The following ESRRB variants were observed in gnomAD, a reference collection of about 807,000 sequenced individuals.
ESRRB encodes steroid hormone receptor ERR2.
A neutral mutation model predicts 46.0 loss-of-function variants in ESRRB; 16 were observed. The ratio of observed to expected loss-of-function variants is 0.35; its 90% CI spans 0.24 to 0.53. The LOEUF (loss-of-function observed/expected upper bound fraction) is 0.53, where lower values mean the gene tolerates loss of function less well. ESRRB is among the 20% of genes least tolerant of loss of function. The pLI, the probability that ESRRB is intolerant of heterozygous loss-of-function variation, is 0.93. For missense variants in ESRRB, 488 were observed against 607.4 expected (o/e 0.80, Z 2.07); for synonymous variants, 246 against 259.6 (o/e 0.95, Z 0.50).
intron 1 of ESRRB, among the ~76,000 whole-genome samples, chr14:76,405,418 C>T (rs1252358555): frequency 6.6e-6 from 1 of 152,122 alleles, no homozygotes; most frequent in Non-Finnish European, 1.5e-5. Context: ...ATCTGGTTCC[C>T]AGAACTGAAG....
At chr14:76,351,307 A>C (rs546899765) in intron 1 of ESRRB, among the ~76,000 whole-genome samples, 1 of 152,350 alleles carries the variant, frequency 6.6e-6, no homozygotes, top group South Asian at 2.1e-4. Flanking sequence ...GTCCAAGATC[A>C]AGGTATGGGC....
upstream of ESRRB, among the ~76,000 whole-genome samples, chr14:76,369,068 G>A (rs538985809): frequency 3.6e-4 from 55 of 151,456 alleles, no homozygotes; most frequent in African/African-American, 1.3e-3. Context: ...GCGGTGGTGC[G>A]TCCCTGTAAT....
At chr14:76,439,311 T>C in intron 1 of ESRRB, 30 bp from the exon 2 acceptor site, 1 of 1,612,414 alleles carries the variant, frequency 6.2e-7, no homozygotes, top group Non-Finnish European at 8.5e-7. Flanking sequence ...AGCACCTTGC[T>C]GGGGCTGACT....
intron 1 of ESRRB, among the ~76,000 whole-genome samples, chr14:76,331,501 T>G (rs1246894692): frequency 6.6e-6 from 1 of 151,926 alleles, no homozygotes; most frequent in Non-Finnish European, 1.5e-5. Context: ...AGGGAGGAAG[T>G]GTGTGTGGTT....
At chr14:76,362,223 C>T (rs1884472911) in intron 1 of ESRRB, among the ~76,000 whole-genome samples, 1 of 152,214 alleles carries the variant, frequency 6.6e-6, no homozygotes, top group African/African-American at 2.4e-5. Context: ...CACTACCCTG[C>T]AGCAAGCCAT....
chr14:76,397,151 G>A (rs1421757587), intron 1 of ESRRB, among the ~76,000 whole-genome samples: 2 of 152,220 alleles, frequency 1.3e-5, no homozygotes, highest in Non-Finnish European at 2.9e-5. Context: ...AAGAGAGTGC[G>A]CCTGGTGACA....
chr14:76,324,196 C>G (rs1269387619), intron 1 of ESRRB, among the ~76,000 whole-genome samples: 1 of 152,196 alleles, frequency 6.6e-6, no homozygotes, highest in Non-Finnish European at 1.5e-5. Context: ...AAGGTCTAGC[C>G]TCAGCCTATC....
In ESRRB at chr14:76,499,450, C is replaced by T; in HGVS notation, c.*992C>T. ...GGCCCAGACTCATCTTTGCCAAGCA[C>T]AGAAAGGCCGAGCAGCTGAGATAAG... On this transcript the variant is annotated 3_prime_UTR_variant, in exon 7 of 7. Coordinates refer to ENST00000644823, the MANE Select transcript of ESRRB (RefSeq NM_001379180.1). 2.9e-6 allele frequency: 1 copy of T among 340,128 alleles called. No individual in the cohort carries two copies. Among genetic ancestry groups the T allele is most frequent in the South Asian group, 2.6e-5 (1 of 38,692 alleles). The allele number at this position is 340,128 out of a possible 1,614,324, so 21.1% of individuals were successfully genotyped here. A position where few individuals can be genotyped will look rare whatever the true frequency, so the allele number is the denominator to read the frequency against.
intron 3 of ESRRB, among the ~76,000 whole-genome samples, chr14:76,464,114 G>C (rs1392160855): frequency 6.6e-6 from 1 of 152,196 alleles, no homozygotes; most frequent in African/African-American, 2.4e-5. Flanking sequence ...AATTCTTAGA[G>C]ATCAACTTTT....
At chr14:76,423,493 G>T (rs1887062918) in intron 1 of ESRRB, among the ~76,000 whole-genome samples, 1 of 152,148 alleles carries the variant, frequency 6.6e-6, no homozygotes, top group South Asian at 2.1e-4. Context: ...GAAACTGATG[G>T]CAAGGTGGAT....
intron 5 of ESRRB, among the ~76,000 whole-genome samples, chr14:76,490,070 T>C (rs1442587970): frequency 6.6e-6 from 1 of 152,204 alleles, no homozygotes; most frequent in Non-Finnish European, 1.5e-5. Context: ...GGGGTCTAAG[T>C]CAGCAAATGA....
chr14:76,375,974 G>T (rs1884746604), upstream of ESRRB, among the ~76,000 whole-genome samples: 1 of 146,410 alleles, frequency 6.8e-6, no homozygotes, highest in Non-Finnish European at 1.5e-5. Flanking sequence ...TGGGGACCTC[G>T]CGCGCTGAGC....
intron 1 of ESRRB, among the ~76,000 whole-genome samples, chr14:76,392,393 A>G (rs1286332462): frequency 6.6e-6 from 1 of 152,112 alleles, no homozygotes; most frequent in Non-Finnish European, 1.5e-5. Flanking sequence ...TTAGCATTTG[A>G]TGCCTTTAAT....
chr14:76,316,437 A>G (rs11628485), intron 1 of ESRRB, among the ~76,000 whole-genome samples: 21,913 of 151,304 alleles, frequency 0.14, 1,740 homozygotes, highest in Middle Eastern at 0.17. Context: ...GGTAGTAGTC[A>G]TAGTAGTAGT....
chr14:76,451,812 T>TTTTTTA (rs1888393387), intron 2 of ESRRB, among the ~76,000 whole-genome samples: 1 of 144,672 alleles, frequency 6.9e-6, no homozygotes, highest in Non-Finnish European at 1.5e-5. Context: ...TTTTTTTTTT[T>TTTTTTA]AGTAAAGACA....
chr14:76,462,434 G>A (rs558471041), intron 2 of ESRRB, 111 bp from the exon 3 acceptor site: 29 of 768,532 alleles, frequency 3.8e-5, no homozygotes, highest in Non-Finnish European at 5.6e-5. Flanking sequence ...AGAACACTAG[G>A]GGGGAGTGGC....
intron 1 of ESRRB, among the ~76,000 whole-genome samples, chr14:76,359,912 C>A (rs562054178): frequency 1.3e-5 from 2 of 152,204 alleles, no homozygotes; most frequent in Non-Finnish European, 2.9e-5. Context: ...CAAAGGCTCA[C>A]GTATCTGTTA....
chr14:76,365,479 CA>C (rs1284371360), intron 1 of ESRRB, among the ~76,000 whole-genome samples: 4 of 150,584 alleles, frequency 2.7e-5, no homozygotes, highest in African/African-American at 9.9e-5. Flanking sequence ...ATCCTGTCTC[CA>C]AAACAAACAA....
chr14:76,322,051 CT>C (rs1346488253), intron 1 of ESRRB, among the ~76,000 whole-genome samples: 1 of 152,170 alleles, frequency 6.6e-6, no homozygotes, highest in Non-Finnish European at 1.5e-5. Flanking sequence ...CGTGAATACC[CT>C]TTTGTATCAT....
Sources: allele counts gnomAD v4.1 joint callset (sites outside exome capture counted in the v4.1 genomes callset), GRCh38; gene constraint gnomAD v4.1.1; transcripts MANE v1.5; gene names NCBI Gene and HGNC (gene_info 2026-07-23, HGNC 2026-07-21).